PPTC7: variants seen among roughly 807,000 people sequenced by gnomAD.
PPTC7 encodes the protein protein phosphatase targeting COQ7.
In PPTC7, 6 loss-of-function variants were observed where a neutral mutation model predicts 30.8. The observed-to-expected ratio is 0.19, with a 90% confidence interval of 0.11 to 0.38. PPTC7 has a LOEUF of 0.38. PPTC7 is among the 10% of genes least tolerant of loss of function. The pLI is 1.00. For missense variants in PPTC7, 218 were observed against 404.8 expected (o/e 0.54, Z 3.96); for synonymous variants, 163 against 168.1 (o/e 0.97, Z 0.23).
intron 1 of PPTC7, among the ~76,000 whole-genome samples, chr12:110,558,769 G>A (rs935658334): frequency 4.6e-5 from 7 of 152,076 alleles, no homozygotes; most frequent in Non-Finnish European, 1.0e-4. Flanking sequence ...ACCACGCTCC[G>A]CTAATTTTTT....
intron 1 of PPTC7, among the ~76,000 whole-genome samples, chr12:110,578,396 G>C (rs562170437): frequency 6.6e-6 from 1 of 152,308 alleles, no homozygotes; most frequent in South Asian, 2.1e-4. Flanking sequence ...GTTGGACCTA[G>C]TAAAGAGAAA....
At chr12:110,540,321 C>CCCCCCCCCCT (rs377082561) in intron 3 of PPTC7, among the ~76,000 whole-genome samples, 1 of 105,012 alleles carries the variant, frequency 9.5e-6, no homozygotes, top group Non-Finnish European at 1.8e-5. Context: ...CCCCCCCCGC[C>CCCCCCCCCCT]TTTTTTTTTT....
chr12:110,562,286 C>CAAAAAAAAAA (rs11319526), intron 1 of PPTC7, among the ~76,000 whole-genome samples: 12 of 34,730 alleles, frequency 3.5e-4, no homozygotes, highest in East Asian at 1.9e-3. Flanking sequence ...GACTCCATCT[C>CAAAAAAAAAA]AAAAAAAAAA....
At position 110,568,495 on chromosome 12, in the gene PPTC7, G is replaced by C. The variant is rs574004474; in HGVS notation, c.223+14314C>G. Among the ~76,000 whole-genome samples the C allele has an allele frequency of 2.0e-5, 3 of 151,924 alleles. No individual in the cohort carries two copies. The East Asian group carries it at 5.8e-4, about 30-fold the overall frequency. On this transcript the variant is annotated intron_variant, in intron 1 of 5. Transcript: ENST00000354300. Reference sequence around the variant, plus strand: ...TCTCGATCTCCTGACCTCGTGATCCGCCCACCTCGGCCTCCCAAAGTGCTG... The same window carrying C: ...TCTCGATCTCCTGACCTCGTGATCCCCCCACCTCGGCCTCCCAAAGTGCTG...
At chr12:110,538,102 T>C (rs2064232383) in intron 5 of PPTC7, 42 bp downstream of exon 5, 4 of 1,602,532 alleles carry the variant, frequency 2.5e-6, no homozygotes, top group African/African-American at 1.3e-5. Context: ...ACTGACACCA[T>C]GTCCCCAGTC....
chr12:110,564,804 CGTATAT>C (rs2064467720), intron 1 of PPTC7, among the ~76,000 whole-genome samples: 5 of 119,326 alleles, frequency 4.2e-5, no homozygotes, highest in Admixed American at 3.1e-4. Flanking sequence ...TATATATACA[CGTATAT>C]GTATATGTGT....
chr12:110,543,471 G>A (rs2064280309), intron 3 of PPTC7, among the ~76,000 whole-genome samples: 2 of 152,060 alleles, frequency 1.3e-5, no homozygotes. Context: ...TAAAACTGGG[G>A]GAAATCAGGT....
chr12:110,543,500 A>G (rs1316237381), intron 3 of PPTC7, among the ~76,000 whole-genome samples: 5 of 152,148 alleles, frequency 3.3e-5, no homozygotes, highest in Non-Finnish European at 7.4e-5. Flanking sequence ...TCTGTGGAAT[A>G]AAGAGAAAAC....
chr12:110,581,920 G>C (rs1192531563), intron 1 of PPTC7, among the ~76,000 whole-genome samples: 4 of 152,210 alleles, frequency 2.6e-5, no homozygotes, highest in Non-Finnish European at 4.4e-5. Context: ...TTCATTCAAA[G>C]AGTTTTAACG....
Position 110,570,332 on chromosome 12 carries a change from G to A in PPTC7, c.223+12477C>T, listed in dbSNP as rs577364032. 5.5e-5 allele frequency among the ~76,000 whole-genome samples: 5 copies of A among 91,370 alleles called. No individual in the cohort carries two copies. The South Asian group carries it at 1.3e-3, about 24-fold the overall frequency. The allele number at this position is 91,370 out of a possible 152,430, so 59.9% of individuals were successfully genotyped here. ...AAGTACCCAGGGACACAAAAACTGC[G>A]GAAGGCCGCAGGGACCTCTGCCTAG... On this transcript the variant is annotated intron_variant, in intron 1 of 5. Transcript: ENST00000354300.
chr12:110,548,308 T>C (rs2135768938), intron 2 of PPTC7, among the ~76,000 whole-genome samples: 1 of 152,326 alleles, frequency 6.6e-6, no homozygotes, highest in African/African-American at 2.4e-5. Context: ...ATTATTAATT[T>C]TGTCCTAACA....
chr12:110,548,682 G>T (rs961850670), intron 2 of PPTC7, among the ~76,000 whole-genome samples: 1 of 152,208 alleles, frequency 6.6e-6, no homozygotes, highest in African/African-American at 2.4e-5. Context: ...TCTGCTGCAA[G>T]AAGGACTCAT....
intron 1 of PPTC7, among the ~76,000 whole-genome samples, chr12:110,582,076 G>T (rs1289654219): frequency 6.6e-6 from 1 of 152,172 alleles, no homozygotes; most frequent in Non-Finnish European, 1.5e-5. Context: ...ATAGGCCTCA[G>T]GGAGCACCTG....
At chr12:110,557,549 A>AT (rs2064400552) in intron 1 of PPTC7, among the ~76,000 whole-genome samples, 1 of 152,164 alleles carries the variant, frequency 6.6e-6, no homozygotes, top group South Asian at 2.1e-4. Flanking sequence ...AAGTGCCGAG[A>AT]TTATGGGCAT....
At chr12:110,567,721 T>C (rs1190474310) in intron 1 of PPTC7, among the ~76,000 whole-genome samples, 1 of 152,248 alleles carries the variant, frequency 6.6e-6, no homozygotes, top group Non-Finnish European at 1.5e-5. Flanking sequence ...ATTTGTTTTT[T>C]ACAACACTGC....
At chr12:110,550,830 G>T (rs2135771452) in intron 2 of PPTC7, among the ~76,000 whole-genome samples, 1 of 152,290 alleles carries the variant, frequency 6.6e-6, no homozygotes, top group Middle Eastern at 3.4e-3. Context: ...TAGCAGTGTG[G>T]GGTGACCAAA....
rs907414606 is a variant in PPTC7, at chr12:110,568,151, G to A, written c.223+14658C>T. On this transcript the variant is annotated intron_variant, in intron 1 of 5. Transcript: ENST00000354300. ...AGTTTTGGGGATCTACTTTGCCTTT[G>A]CTGAGCCCTCAATCTGGAGTATTCC... 2.6e-5 allele frequency among the ~76,000 whole-genome samples: 4 copies of A among 152,082 alleles called. No individual in the cohort carries two copies. The East Asian group carries it at 7.7e-4, about 29-fold the overall frequency.
chr12:110,571,545 TATTA>T (rs2064537361), intron 1 of PPTC7, among the ~76,000 whole-genome samples: 1 of 152,178 alleles, frequency 6.6e-6, no homozygotes, highest in Non-Finnish European at 1.5e-5. Flanking sequence ...GCCCCTACAG[TATTA>T]ATTGACTTCA....
intron 1 of PPTC7, among the ~76,000 whole-genome samples, chr12:110,581,238 A>AC (rs1314828485): frequency 4.0e-5 from 6 of 151,368 alleles, no homozygotes; most frequent in Non-Finnish European, 5.9e-5. Flanking sequence ...ACACAGTGAA[A>AC]CCCCATCTCT....
Sources: gnomAD v4.1 joint callset for allele counts (sites outside exome capture counted in the v4.1 genomes callset) on GRCh38, gnomAD v4.1.1 for gene constraint, MANE v1.5 for transcripts, NCBI Gene and HGNC (gene_info 2026-07-23, HGNC 2026-07-21) for gene names.